ARHGAP6: variants seen among roughly 807,000 people sequenced by gnomAD.
ARHGAP6 encodes the protein rho GTPase-activating protein 6.
Under a neutral mutation model 55.7 loss-of-function variants are expected in ARHGAP6, and 16 were observed. The observed-to-expected ratio is 0.29, with a 90% confidence interval of 0.19 to 0.44. ARHGAP6 has a LOEUF of 0.44. Ranked by LOEUF, ARHGAP6 falls within the 20% of genes least tolerant of loss-of-function variation. The pLI is 1.00. For missense variants in ARHGAP6, 698 were observed against 808.9 expected, an observed-to-expected ratio of 0.86 and a Z score of 1.66; for synonymous variants, 382 against 360.9, an observed-to-expected ratio of 1.06 and a Z score of -0.66.
At chrX:11,271,438 T>A (rs1043743851) in intron 1 of ARHGAP6, among the ~76,000 whole-genome samples, 1 of 112,007 alleles carries the variant, frequency 8.9e-6, no homozygotes, top group Non-Finnish European at 1.9e-5. Context: ...TTGGTGACAT[T>A]GTGTTTCATC....
intron 1 of ARHGAP6, among the ~76,000 whole-genome samples, chrX:11,619,640 A>G (rs2052205242): frequency 9.0e-6 from 1 of 111,695 alleles, no homozygotes; most frequent in Non-Finnish European, 1.9e-5. Context: ...TTTTTATCAT[A>G]TTTGGCCAGA....
At chrX:11,295,804 G>C (rs1041870714) in intron 1 of ARHGAP6, among the ~76,000 whole-genome samples, 1 of 112,125 alleles carries the variant, frequency 8.9e-6, no homozygotes, top group South Asian at 3.7e-4. Context: ...ATCCAGATGA[G>C]AGAGAATAAA....
In ARHGAP6 at chrX:11,298,907, T is replaced by C. The variant is rs2048131297; in HGVS notation, c.589-44200A>G. 9.1e-6 allele frequency: 11 copies of C among 1,210,900 alleles called. No individual in the cohort carries two copies. In the East Asian group the frequency reaches 3.3e-4, roughly 36 times the overall value. ...CGATGTTCCCCATGCAGCCCCTGCC[T>C]CCCATGCTTCCTGATCTGACTCTGG... On this transcript the variant is annotated intron_variant, in intron 1 of 12. Transcript: ENST00000337414.
At chrX:11,480,251 G>A (rs764835836) in intron 1 of ARHGAP6, among the ~76,000 whole-genome samples, 3 of 111,345 alleles carry the variant, frequency 2.7e-5, no homozygotes, top group Non-Finnish European at 5.7e-5. Context: ...TATGTTATTC[G>A]GCAACAAAAA....
chrX:11,285,376 G>A (rs180857103), intron 1 of ARHGAP6, among the ~76,000 whole-genome samples: 1 of 111,392 alleles, frequency 9.0e-6, no homozygotes, highest in Admixed American at 9.5e-5. Flanking sequence ...GTCAGCTTGA[G>A]TTTAAGGGCC....
intron 1 of ARHGAP6, among the ~76,000 whole-genome samples, chrX:11,371,963 A>G (rs1467030938): frequency 1.8e-5 from 2 of 112,535 alleles, no homozygotes; most frequent in East Asian, 5.5e-4. Context: ...TCATTTGAGA[A>G]TCTAGAACCC....
At chrX:11,375,471 C>A (rs1165585589) in intron 1 of ARHGAP6, among the ~76,000 whole-genome samples, 10 of 112,072 alleles carry the variant, frequency 8.9e-5, no homozygotes, top group Non-Finnish European at 1.7e-4. Context: ...TAGATCACTC[C>A]AAATTCTATT....
At chrX:11,613,738 G>C (rs1046954004) in intron 1 of ARHGAP6, among the ~76,000 whole-genome samples, 1 of 112,111 alleles carries the variant, frequency 8.9e-6, no homozygotes, top group Non-Finnish European at 1.9e-5. Flanking sequence ...GCCATTCTTT[G>C]GAAAAGAGAA....
chrX:11,429,183 A>G (rs2049918913), intron 1 of ARHGAP6, among the ~76,000 whole-genome samples: 1 of 112,846 alleles, frequency 8.9e-6, no homozygotes. Context: ...TCTCACAAAC[A>G]TTATGTTGGG....
chrX:11,533,535 T>C (rs905228919), intron 1 of ARHGAP6, among the ~76,000 whole-genome samples: 2 of 112,161 alleles, frequency 1.8e-5, no homozygotes, highest in Non-Finnish European at 3.8e-5. Flanking sequence ...AAGATACAAA[T>C]CAGAACCTCT....
intron 1 of ARHGAP6, among the ~76,000 whole-genome samples, chrX:11,317,838 A>G (rs972864072): frequency 8.9e-6 from 1 of 111,855 alleles, no homozygotes; most frequent in African/African-American, 3.3e-5. Context: ...ATAGAATTTT[A>G]GAGCAGGAAG....
At chrX:11,392,905 C>G (rs2147740740) in intron 1 of ARHGAP6, among the ~76,000 whole-genome samples, 1 of 111,739 alleles carries the variant, frequency 8.9e-6, no homozygotes, top group Non-Finnish European at 1.9e-5. Context: ...ATAAGAGATA[C>G]AAGGCAAGTC....
chrX:11,186,005 A>T (rs780521699), intron 5 of ARHGAP6, among the ~76,000 whole-genome samples: 1 of 111,557 alleles, frequency 9.0e-6, no homozygotes, highest in South Asian at 3.8e-4. Context: ...ACTTCTGAGG[A>T]CTACTGGGAG....
intron 1 of ARHGAP6, among the ~76,000 whole-genome samples, chrX:11,348,033 A>T (rs1009367437): frequency 3.6e-5 from 4 of 112,268 alleles, no homozygotes; most frequent in Non-Finnish European, 7.5e-5. Context: ...TACAATTTGG[A>T]AGAAACTGTT....
chrX:11,510,465 G>A lies in ARHGAP6; in HGVS notation c.588+153776C>T, dbSNP rs763825714. Among the ~76,000 whole-genome samples the A allele has an allele frequency of 2.7e-5, 3 of 111,221 alleles. No individual in the cohort carries two copies. In the South Asian group the frequency reaches 1.1e-3, roughly 42 times the overall value. On this transcript the variant is annotated intron_variant, in intron 1 of 12. Transcript: ENST00000337414. Reference sequence around the variant, plus strand: ...CCAATGACATGGTAGCCAGCTTGAGGCCACAGATGCACTTGGATGATTGAG... The same window carrying A: ...CCAATGACATGGTAGCCAGCTTGAGACCACAGATGCACTTGGATGATTGAG...
chrX:11,282,784 T>C (rs2047873571), intron 1 of ARHGAP6, among the ~76,000 whole-genome samples: 2 of 111,933 alleles, frequency 1.8e-5, no homozygotes, highest in Admixed American at 9.5e-5. Flanking sequence ...CAGGCAAAAA[T>C]ATTATTTAAA....
intron 9 of ARHGAP6, among the ~76,000 whole-genome samples, chrX:11,164,568 C>T (rs73184310): frequency 0.19 from 21,309 of 111,087 alleles, 1,552 homozygotes; most frequent in Middle Eastern, 0.31. Flanking sequence ...GCTTCTGACT[C>T]GGAATCCTCA....
rs1176922088 is a variant in ARHGAP6, at chrX:11,427,819, G to A, written c.589-173112C>T. On this transcript the variant is annotated intron_variant, in intron 1 of 12. Coordinates refer to ENST00000337414, the MANE Select transcript of ARHGAP6 (RefSeq NM_013427.3). ...CGGCGCGAAGGGGGAGGGGGAAGAG[G>A]AGGAGGAGGAGGAGGAGGAGGAGGA... is the stretch of plus-strand genomic sequence containing the variant. The A allele has an allele frequency of 8.4e-5, 24 of 284,102 alleles. No homozygotes were observed. The African/African-American group carries it at 4.7e-3, about 56-fold the overall frequency. The allele number at this position is 284,102 out of a possible 1,213,427, so 23.4% of individuals were successfully genotyped here.
At chrX:11,234,227 C>T (rs1017242980) in intron 2 of ARHGAP6, among the ~76,000 whole-genome samples, 16 of 112,222 alleles carry the variant, frequency 1.4e-4, no homozygotes, top group African/African-American at 5.2e-4. Flanking sequence ...CGTGGGGTCA[C>T]CTGTTTCACG....
Sources: gnomAD v4.1 joint callset for allele counts (sites outside exome capture counted in the v4.1 genomes callset) on GRCh38, gnomAD v4.1.1 for gene constraint, MANE v1.5 for transcripts, NCBI Gene and HGNC (gene_info 2026-07-23, HGNC 2026-07-21) for gene names.